The following KIF18B variants were observed in gnomAD, a reference collection of about 807,000 sequenced individuals.
The protein encoded by KIF18B is kinesin-like protein KIF18B.
In KIF18B, 49 loss-of-function variants were observed where a neutral mutation model predicts 80.9. The observed-to-expected ratio is 0.61, with a 90% confidence interval of 0.48 to 0.77. The LOEUF (loss-of-function observed/expected upper bound fraction) is 0.77, where lower values mean the gene tolerates loss of function less well. Among genes scored for constraint, KIF18B ranks in the 30% least tolerant of loss-of-function variants. The pLI, the probability that KIF18B is intolerant of heterozygous loss-of-function variation, is 0.00. For synonymous variants in KIF18B, 439 were observed against 463.9 expected (o/e 0.95, Z 0.69); for missense variants, 994 against 1,127.7 (o/e 0.88, Z 1.70).
chr17:44,928,030 G>T lies in KIF18B; in HGVS notation c.2272C>A (p.Pro758Thr). Residue 758 changes from proline (P) to threonine (T), a missense_variant, in exon 13 of 16, where the codon CCC becomes ACC. Transcript: ENST00000593135. ...ELSRLDQPFI[P>T]RAPVPLFTMK... is the part of the protein sequence containing the mutation. ...GAGCGAGACTGGGAGACCCACCTGG[G>T]GATGAAGGGCTGGTCCAGCCTGCTC... 1.3e-6 allele frequency: 2 copies of T among 1,515,044 alleles called. No homozygotes were observed. Among genetic ancestry groups the T allele is most frequent in the Non-Finnish European group, 1.8e-6 (2 of 1,132,334 alleles). The allele number at this position is 1,515,044 out of a possible 1,614,324, so 93.9% of individuals were successfully genotyped here. A position where few individuals can be genotyped will look rare whatever the true frequency, so the allele number is the denominator to read the frequency against.
In KIF18B at chr17:44,932,690, C is replaced by T. The variant is rs750777590; in HGVS notation, c.1221G>A (p.Ser407=). The change falls in exon 9 of 16, where the codon TCG becomes TCA. Residue 407 remains serine, a synonymous_variant. Coordinates refer to ENST00000593135, the MANE Select transcript of KIF18B (RefSeq NM_001265577.2). ...GAACTCACTGTTCTGGTGGTGGTCCCGACTTGGGAGATCCTGGGAGGTCCT... is the reference window on the plus strand; with the variant it reads ...GAACTCACTGTTCTGGTGGTGGTCCTGACTTGGGAGATCCTGGGAGGTCCT... ...PPQDLPGSPK[S]GPPPEHQPCT... is the part of the protein sequence containing the mutation. 7.4e-6 allele frequency: 12 copies of T among 1,611,344 alleles called. No homozygotes were observed. The highest frequency in any genetic ancestry group is 1.7e-5 in the Admixed American group (1 of 59,980).
chr17:44,946,826 C>T (rs750952806), intron 1 of KIF18B, among the ~76,000 whole-genome samples: 14 of 151,822 alleles, frequency 9.2e-5, no homozygotes, highest in Non-Finnish European at 1.9e-4. Flanking sequence ...TTCCTTCATT[C>T]AATCAAACAT....
chr17:44,932,694 T>C lies in KIF18B; in HGVS notation c.1217A>G (p.Lys406Arg). The C allele has an allele frequency of 6.2e-7, 1 of 1,612,012 alleles. No homozygotes were observed. Among genetic ancestry groups the C allele is most frequent in the Non-Finnish European group, 8.5e-7 (1 of 1,179,342 alleles). The change falls in exon 9 of 16, where the codon AAG becomes AGG. Residue 406 changes from lysine to arginine, a missense_variant. By Grantham distance (26) the Lys-to-Arg change is conservative. Coordinates refer to ENST00000593135, the MANE Select transcript of KIF18B (RefSeq NM_001265577.2). ...PPPQDLPGSP[K>R]SGPPPEHQPC... Reference sequence around the variant, plus strand: ...TCACTGTTCTGGTGGTGGTCCCGACTTGGGAGATCCTGGGAGGTCCTGTGG... The same window carrying C: ...TCACTGTTCTGGTGGTGGTCCCGACCTGGGAGATCCTGGGAGGTCCTGTGG...
chr17:44,935,423 A>G lies in KIF18B; in HGVS notation c.314-7T>C, dbSNP rs771337468. ...GTGGCCCCGTAGGCAAACACTGCAG[A>G]GGACATAGTAAGGAGGAGGACCCCA... On this transcript the variant is annotated splice_polypyrimidine_tract_variant and splice_region_variant and intron_variant, in intron 2 of 15. Coordinates refer to ENST00000593135, the MANE Select transcript of KIF18B (RefSeq NM_001265577.2). 14 of 1,596,584 alleles carry G rather than the reference A, an allele frequency of 8.8e-6. No individual in the cohort carries two copies. In the Admixed American group the frequency reaches 2.2e-4, roughly 25 times the overall value.
At chr17:44,947,134 A>AAAAAAAAAAAAAAAAAAAAAT in intron 1 of KIF18B, among the ~76,000 whole-genome samples, 1 of 142,908 alleles carries the variant, frequency 7.0e-6, no homozygotes, top group African/African-American at 2.7e-5. Context: ...AAAAAAAAAA[A>AAAAAAAAAAAAAAAAAAAAAT]AAAAAAAATT....
At position 44,934,355 on chromosome 17, in the gene KIF18B, G is replaced by A. The variant is rs1369884984; in HGVS notation, c.763C>T (p.Leu255=). The A allele has an allele frequency of 6.2e-7, 1 of 1,607,622 alleles. No homozygotes were observed. Among genetic ancestry groups the A allele is most frequent in the Non-Finnish European group, 8.5e-7 (1 of 1,176,944 alleles). Residue 255 remains leucine (L), a synonymous_variant, in exon 6 of 16, where the codon CTG becomes TTG. Coordinates refer to ENST00000593135, the MANE Select transcript of KIF18B (RefSeq NM_001265577.2). This position sits in a 1 kb window ranked among gnomAD's most constrained non-coding sequence, Gnocchi z 5.4. ...VQVAKMSLID[L]AGSERASSTH... is the part of the protein sequence containing the mutation. ...CTGGATGCCCGCTCTGAGCCAGCCA[G>A]GTCAATCAGGCTCATCTTGGCCACC...
At chr17:44,936,555 A>ACT (rs59137224) in intron 1 of KIF18B, among the ~76,000 whole-genome samples, 197 bp from the exon 2 acceptor site, 171 of 37,168 alleles carry the variant, frequency 4.6e-3, no homozygotes, top group South Asian at 0.011. Flanking sequence ...TACTCAAATG[A>ACT]CTCTCTCTCT....
chr17:44,930,051 G>C (rs2052114439), intron 11 of KIF18B, among the ~76,000 whole-genome samples: 1 of 152,222 alleles, frequency 6.6e-6, no homozygotes, highest in African/African-American at 2.4e-5. Context: ...CCCCTCCACT[G>C]CCCTCAGTCA....
rs575626562 is a variant in KIF18B at position 44,927,313 on chromosome 17, A to G, written c.2277-235T>C. On this transcript the variant is annotated intron_variant, in intron 13 of 15. Transcript: ENST00000593135. The surrounding 1 kb of genome is among the most constrained non-coding windows in gnomAD (Gnocchi z 4.1). ...GTTTCTGGTGCACCCGGGGAACTGG[A>G]GTTCAAACAATTTCACCCTTCCACC... Among the ~76,000 whole-genome samples the G allele has an allele frequency of 6.6e-6, 1 of 152,220 alleles. No individual in the cohort carries two copies. Among genetic ancestry groups the G allele is most frequent in the African/African-American group, 2.4e-5 (1 of 41,524 alleles).
Position 44,934,326 on chromosome 17 carries a change from G to T in KIF18B, c.792C>A (p.Thr264=). The change falls in exon 6 of 16, where the codon ACC becomes ACA. Residue 264 remains threonine, a synonymous_variant. Transcript: ENST00000593135. This position sits in a 1 kb window ranked among gnomAD's most constrained non-coding sequence, Gnocchi z 5.4. ...DLAGSERASS[T]HAKGERLREG... ...CCCGCAGCCGCTCCCCCTTCGCATG[G>T]GTGCTGGATGCCCGCTCTGAGCCAG... The T allele has an allele frequency of 6.2e-7, 1 of 1,609,632 alleles. No homozygotes were observed. The highest frequency in any genetic ancestry group is 1.1e-5 in the South Asian group (1 of 90,100).
Position 44,936,598 on chromosome 17 carries a change from C to CTATA in KIF18B, c.-14-244_-14-241dup, listed in dbSNP as rs1218900628. 6.4e-3 allele frequency among the ~76,000 whole-genome samples: 177 copies of CTATA among 27,808 alleles called. 1 individual carries two copies. Among genetic ancestry groups the CTATA allele is most frequent in the East Asian group, 0.011 (7 of 666 alleles). The allele number at this position is 27,808 out of a possible 152,430, so 18.2% of individuals were successfully genotyped here. On this transcript the variant is annotated intron_variant, in intron 1 of 15. Coordinates refer to ENST00000593135, the MANE Select transcript of KIF18B (RefSeq NM_001265577.2). ...TCTCTCTCTCTCTCTCTCTCTCTCT[C>CTATA]TATATATATATATATATATATATAT...
intron 7 of KIF18B, 64 bp from the exon 8 acceptor site, chr17:44,933,050 CG>C: frequency 4.7e-6 from 7 of 1,480,994 alleles, no homozygotes; most frequent in Non-Finnish European, 6.5e-6. Context: ...CAGCCACCGC[CG>C]ATGGCCAGGC....
At position 44,947,113 on chromosome 17, in the gene KIF18B, CAAAAAA is replaced by C. The variant is rs57955845; in HGVS notation, c.-15+509_-15+514del. ...GACAGAGAGAGAGAGACTCCATCTC[CAAAAAA>C]AAAAAAAAAAAAAAAAAAAAAAATT... is the stretch of plus-strand genomic sequence containing the variant. On this transcript the variant is annotated intron_variant, in intron 1 of 15. Coordinates refer to ENST00000593135, the MANE Select transcript of KIF18B (RefSeq NM_001265577.2). Among the ~76,000 whole-genome samples, 498 of 54,006 alleles carry C rather than the reference CAAAAAA, an allele frequency of 9.2e-3. 8 individuals are homozygous for C. The highest frequency in any genetic ancestry group is 0.031 in the African/African-American group (477 of 15,384). The allele number at this position is 54,006 out of a possible 152,430, so 35.4% of individuals were successfully genotyped here. A position where few individuals can be genotyped will look rare whatever the true frequency, so the allele number is the denominator to read the frequency against.
Position 44,927,991 on chromosome 17 carries a change from T to C in KIF18B, c.2276+35A>G, listed in dbSNP as rs528725188. 2.0e-5 allele frequency: 30 copies of C among 1,495,054 alleles called. No individual in the cohort carries two copies. Among genetic ancestry groups the C allele is most frequent in the Non-Finnish European group, 2.6e-5 (29 of 1,118,224 alleles). 92.6% of individuals were successfully genotyped at this position (1,495,054 alleles called of 1,614,324 possible). A position where few individuals can be genotyped will look rare whatever the true frequency, so the allele number is the denominator to read the frequency against. Reference sequence around the variant, plus strand: ...AAGTCCCTTGCTGACCACTGACCACTGACAGGAGGGGTGGAGCGAGACTGG... The same window carrying C: ...AAGTCCCTTGCTGACCACTGACCACCGACAGGAGGGGTGGAGCGAGACTGG... On this transcript the variant is annotated intron_variant, in intron 13 of 15. Coordinates refer to ENST00000593135, the MANE Select transcript of KIF18B (RefSeq NM_001265577.2). This position sits in a 1 kb window ranked among gnomAD's most constrained non-coding sequence, Gnocchi z 4.1.
chr17:44,936,175 G>T lies in KIF18B; in HGVS notation c.170C>A (p.Thr57Asn), dbSNP rs762375753. 6.2e-7 allele frequency: 1 copy of T among 1,613,002 alleles called. No individual in the cohort carries two copies. The change falls in exon 2 of 16, where the codon ACC becomes AAC. Residue 57 changes from threonine to asparagine, a missense_variant. Transcript: ENST00000593135. Reference protein sequence around the residue: ...GGFPGLKWGGTHDGPKKKGKD... With the variant: ...GGFPGLKWGGNHDGPKKKGKD... ...GCCCTTCTTCTTGGGGCCATCATGG[G>T]TGCCACCCCATTTCAGGCCAGGGAA...
At chr17:44,929,265 GTGTCACCCAC>G (rs2052099417) in intron 11 of KIF18B, among the ~76,000 whole-genome samples, 2 of 152,236 alleles carry the variant, frequency 1.3e-5, no homozygotes, top group South Asian at 4.1e-4. Context: ...ATGGTGGGAG[GTGTCACCCAC>G]TAAACACGCC....
rs1040828461 is a variant in KIF18B, at chr17:44,925,966, CCA to C, written c.*112_*113del. On this transcript the variant is annotated 3_prime_UTR_variant, in exon 16 of 16. Coordinates refer to ENST00000593135, the MANE Select transcript of KIF18B (RefSeq NM_001265577.2). ...AAAGGTGTGTTGGCACTAATTGCTC[CCA>C]GGTAAGGAAGGCAGGTCCAGCTCCT... is the stretch of plus-strand genomic sequence containing the variant. The C allele has an allele frequency of 9.3e-7, 1 of 1,075,202 alleles. No homozygotes were observed. The highest frequency in any genetic ancestry group is 1.4e-6 in the Non-Finnish European group (1 of 713,604). 66.6% of individuals were successfully genotyped at this position (1,075,202 alleles called of 1,614,324 possible). A position where few individuals can be genotyped will look rare whatever the true frequency, so the allele number is the denominator to read the frequency against.
intron 1 of KIF18B, among the ~76,000 whole-genome samples, chr17:44,945,990 TAGG>T (rs2052505819): frequency 6.9e-6 from 1 of 144,458 alleles, no homozygotes. Context: ...GAAGCTGAGG[TAGG>T]AGAATAGCTT....
Position 44,926,446 on chromosome 17 carries a change from A to G in KIF18B, c.2420T>C (p.Leu807Ser). The change falls in exon 15 of 16, where the codon TTG (leucine) becomes TCG (serine). Residue 807 changes from leucine to serine, a missense_variant. Transcript: ENST00000593135. ...TACAAGGGGCCCAGCTGGCCTCTTC[A>G]AAGTGCTGCTGGGGAGGCGGGCGAT... ...SRIARLPSST[L>S]KRPAGPLVLP... 3 of 1,586,568 alleles carry G rather than the reference A, an allele frequency of 1.9e-6. No homozygotes were observed. In the South Asian group the frequency reaches 3.5e-5, roughly 18 times the overall value.
Sources: gnomAD v4.1 joint callset for allele counts (sites outside exome capture counted in the v4.1 genomes callset) on GRCh38, gnomAD v4.1.1 for gene constraint, Gnocchi (gnomAD v3.1) non-coding constraint, MANE v1.5 for transcripts, NCBI Gene and HGNC (gene_info 2026-07-23, HGNC 2026-07-21) for gene names.